The following SVIP variants were observed in gnomAD, a reference collection of about 807,000 sequenced individuals.
SVIP encodes the protein small VCP interacting protein.
Under a neutral mutation model 12.9 loss-of-function variants are expected in SVIP, and 14 were observed. That is an observed-to-expected ratio of 1.08 (90% CI 0.72 to 1.70). The LOEUF (loss-of-function observed/expected upper bound fraction) is 1.70. Among genes scored for constraint, SVIP ranks in the 40% most tolerant of loss-of-function variants. The pLI is 0.00. For synonymous variants in SVIP, 35 were observed against 33.3 expected (o/e 1.05, Z -0.17); for missense variants, 93 against 90.8 (o/e 1.02, Z -0.10).
In SVIP at chr11:22,821,254, G is replaced by T. The variant is rs1369897817; in HGVS notation, c.*1865C>A. On this transcript the variant is annotated 3_prime_UTR_variant, in exon 4 of 4. Transcript: ENST00000354193. The stretch of plus-strand genomic sequence containing the variant: ...TTTTCCCTTGCCCTTTCCTAACACT[G>T]TTCCTAACATTTGGGTACCACCCCT... 6.7e-6 allele frequency: 1 copy of T among 150,306 alleles called. No homozygotes were observed. Among genetic ancestry groups the T allele is most frequent in the Non-Finnish European group, 1.5e-5 (1 of 67,712 alleles). 9.3% of individuals were successfully genotyped at this position (150,306 alleles called of 1,614,324 possible). A position where few individuals can be genotyped will look rare whatever the true frequency, so the allele number is the denominator to read the frequency against.
rs1377041660 is a variant in SVIP at position 22,819,060 on chromosome 11, G to T, written c.*4059C>A. 2.6e-5 allele frequency: 4 copies of T among 151,988 alleles called. No homozygotes were observed. In the East Asian group the frequency reaches 7.7e-4, roughly 29 times the overall value. The allele number at this position is 151,988 out of a possible 1,614,324, so 9.4% of individuals were successfully genotyped here. A position where few individuals can be genotyped will look rare whatever the true frequency, so the allele number is the denominator to read the frequency against. Reference sequence around the variant, plus strand: ...TTCAATTACAGATTTTTCATTGCTTGCATATAAACATAGAATTGACTTTCA... The same window carrying T: ...TTCAATTACAGATTTTTCATTGCTTTCATATAAACATAGAATTGACTTTCA... On this transcript the variant is annotated 3_prime_UTR_variant, in exon 4 of 4. Coordinates refer to ENST00000354193, the MANE Select transcript of SVIP (RefSeq NM_148893.3).
intron 1 of SVIP, among the ~76,000 whole-genome samples, chr11:22,828,992 T>C (rs1023445518): frequency 1.5e-4 from 23 of 152,182 alleles, no homozygotes; most frequent in Admixed American, 5.9e-4. Flanking sequence ...GAATTTCAGA[T>C]AAGCAATGAG....
chr11:22,826,663 A>G (rs1278441729), intron 3 of SVIP, among the ~76,000 whole-genome samples: 1 of 152,088 alleles, frequency 6.6e-6, no homozygotes, highest in Non-Finnish European at 1.5e-5. Flanking sequence ...TCTGGGATCC[A>G]TATCTAGGGA....
At chr11:22,828,883 A>C (rs1279408169) in intron 1 of SVIP, among the ~76,000 whole-genome samples, 2 of 152,216 alleles carry the variant, frequency 1.3e-5, no homozygotes, top group Non-Finnish European at 2.9e-5. Context: ...AAACAGGTTT[A>C]TGTTAACTCC....
rs1290107969 is a variant in SVIP, at chr11:22,827,880, T to A, written c.55-6A>T. 6.4e-6 allele frequency: 10 copies of A among 1,555,976 alleles called. No individual in the cohort carries two copies. Among genetic ancestry groups the A allele is most frequent in the Non-Finnish European group, 8.7e-6 (10 of 1,149,720 alleles). On this transcript the variant is annotated splice_region_variant and splice_polypyrimidine_tract_variant and intron_variant, in intron 1 of 3. Transcript: ENST00000354193. ...AGCTTTGCTCTTTTCTCTTCCTAAA[T>A]AAATGTGTAAAAATATGTATTAAAA...
intron 3 of SVIP, among the ~76,000 whole-genome samples, chr11:22,823,733 T>C (rs2134748357): frequency 6.6e-6 from 1 of 152,286 alleles, no homozygotes; most frequent in East Asian, 1.9e-4. Flanking sequence ...TTTGGTTTTG[T>C]TTTGGGATTT....
At position 22,820,689 on chromosome 11, in the gene SVIP, A is replaced by G. The variant is rs967554210; in HGVS notation, c.*2430T>C. 3 of 152,240 alleles carry G rather than the reference A, an allele frequency of 2.0e-5. No homozygotes were observed. The highest frequency in any genetic ancestry group is 7.2e-5 in the African/African-American group (3 of 41,464). 9.4% of individuals were successfully genotyped at this position (152,240 alleles called of 1,614,324 possible). A position where few individuals can be genotyped will look rare whatever the true frequency, so the allele number is the denominator to read the frequency against. On this transcript the variant is annotated 3_prime_UTR_variant, in exon 4 of 4. Transcript: ENST00000354193. Reference sequence around the variant, plus strand: ...CCAAACCATGTGTGAGAACTGTTAAATTACATTCCAAATACCAGCAGTGGA... The same window carrying G: ...CCAAACCATGTGTGAGAACTGTTAAGTTACATTCCAAATACCAGCAGTGGA...
At chr11:22,823,219 G>T in intron 3 of SVIP, 86 bp from the exon 4 acceptor site, 1 of 932,498 alleles carries the variant, frequency 1.1e-6, no homozygotes. Flanking sequence ...GTAAAAAGAG[G>T]AATATGGGAC....
intron 2 of SVIP, among the ~76,000 whole-genome samples, 187 bp downstream of exon 2, chr11:22,827,637 T>C (rs553459377): frequency 1.3e-5 from 2 of 152,044 alleles, no homozygotes. Flanking sequence ...AGTTTTCATA[T>C]ATTAATATAA....
chr11:22,826,872 A>G (rs1037403976), intron 3 of SVIP, among the ~76,000 whole-genome samples: 1 of 152,180 alleles, frequency 6.6e-6, no homozygotes, highest in Non-Finnish European at 1.5e-5. Flanking sequence ...GTCTGTCAAA[A>G]TGGTACTTAG....
intron 3 of SVIP, 24 bp from the exon 4 acceptor site, chr11:22,823,157 G>C (rs1181568103): frequency 6.4e-7 from 1 of 1,565,270 alleles, no homozygotes; most frequent in Admixed American, 1.8e-5. Context: ...AAAAGAGACA[G>C]AAAAGTAAAT....
In SVIP at chr11:22,822,884, C is replaced by A. The variant is rs927601742; in HGVS notation, c.*235G>T. The A allele has an allele frequency of 2.2e-6, 1 of 450,326 alleles. No individual in the cohort carries two copies. The highest frequency in any genetic ancestry group is 3.9e-6 in the Non-Finnish European group (1 of 253,746). 27.9% of individuals were successfully genotyped at this position (450,326 alleles called of 1,614,324 possible). ...ATTTTTTAACTACTAAGAAAAATAG[C>A]AAATCACCCACTAACTGCAGAAGAG... On this transcript the variant is annotated 3_prime_UTR_variant, in exon 4 of 4. Coordinates refer to ENST00000354193, the MANE Select transcript of SVIP (RefSeq NM_148893.3).
Position 22,829,701 on chromosome 11 carries a change from C to A in SVIP, c.48G>T (p.Pro16=). The change falls in exon 1 of 4, where the codon CCG becomes CCT. Residue 16 remains proline, a synonymous_variant. Coordinates refer to ENST00000354193, the MANE Select transcript of SVIP (RefSeq NM_148893.3). ...AGGGACCTGCTCTACTCACCAGGTC[C>A]GGCGTGGGAGGCGCGGACTCCCCGG... is the stretch of plus-strand genomic sequence containing the variant. ...PCPGESAPPT[P]DLEEKRAKLA... The A allele has an allele frequency of 6.2e-7, 1 of 1,603,154 alleles. No homozygotes were observed. Among genetic ancestry groups the A allele is most frequent in the East Asian group, 2.2e-5 (1 of 44,462 alleles).
chr11:22,823,732 GT>G (rs1365356513), intron 3 of SVIP, among the ~76,000 whole-genome samples: 12 of 152,094 alleles, frequency 7.9e-5, no homozygotes, highest in Non-Finnish European at 1.8e-4. Flanking sequence ...TTTTGGTTTT[GT>G]TTTGGGATTT....
At position 22,821,159 on chromosome 11, in the gene SVIP, G is replaced by T. The variant is rs1201455096; in HGVS notation, c.*1960C>A. On this transcript the variant is annotated 3_prime_UTR_variant, in exon 4 of 4. Coordinates refer to ENST00000354193, the MANE Select transcript of SVIP (RefSeq NM_148893.3). ...TATTATATATATATATAATTTTTTAGTCATGTTTTTAGTCATTTGCTTTTT... is the reference window on the plus strand; with the variant it reads ...TATTATATATATATATAATTTTTTATTCATGTTTTTAGTCATTTGCTTTTT... The T allele has an allele frequency of 6.8e-6, 1 of 146,692 alleles. No individual in the cohort carries two copies. The highest frequency in any genetic ancestry group is 2.1e-4 in the South Asian group (1 of 4,728). 9.1% of individuals were successfully genotyped at this position (146,692 alleles called of 1,614,324 possible).
chr11:22,828,921 T>G (rs1424978680), intron 1 of SVIP, among the ~76,000 whole-genome samples: 2 of 152,212 alleles, frequency 1.3e-5, no homozygotes, highest in Non-Finnish European at 2.9e-5. Flanking sequence ...GTAAAGATAC[T>G]GTTAACAGAA....
At position 22,821,296 on chromosome 11, in the gene SVIP, T is replaced by C. The variant is rs991960989; in HGVS notation, c.*1823A>G. ...ACCACCCCTTAGCTCCTGCGACCCA[T>C]GTGGTTTTGGAGAAAGCTGATCACA... On this transcript the variant is annotated 3_prime_UTR_variant, in exon 4 of 4. Coordinates refer to ENST00000354193, the MANE Select transcript of SVIP (RefSeq NM_148893.3). 3 of 151,730 alleles carry C rather than the reference T, an allele frequency of 2.0e-5. No individual in the cohort carries two copies. The highest frequency in any genetic ancestry group is 6.6e-5 in the Admixed American group (1 of 15,224). The allele number at this position is 151,730 out of a possible 1,614,324, so 9.4% of individuals were successfully genotyped here.
chr11:22,829,779 T>A lies in SVIP; in HGVS notation c.-31A>T. Reference sequence around the variant, plus strand: ...CGACAGCTTGAGAACCCTGACCGGGTCCGGCCCAGGCCAGGCGGCGCTAAC... The same window carrying A: ...CGACAGCTTGAGAACCCTGACCGGGACCGGCCCAGGCCAGGCGGCGCTAAC... On this transcript the variant is annotated 5_prime_UTR_variant, in exon 1 of 4. Transcript: ENST00000354193. 1.9e-6 allele frequency: 3 copies of A among 1,587,550 alleles called. No homozygotes were observed. The highest frequency in any genetic ancestry group is 2.3e-5 in the South Asian group (2 of 87,404).
chr11:22,821,671 A>G lies in SVIP; in HGVS notation c.*1448T>C, dbSNP rs746092545. On this transcript the variant is annotated 3_prime_UTR_variant, in exon 4 of 4. Coordinates refer to ENST00000354193, the MANE Select transcript of SVIP (RefSeq NM_148893.3). ...TAAAATCAAAAATTTTCATTCTAAA[A>G]TATAGTTCAATGATTTCACTACCCT... 6.6e-6 allele frequency: 1 copy of G among 152,236 alleles called. No individual in the cohort carries two copies. Among genetic ancestry groups the G allele is most frequent in the Non-Finnish European group, 1.5e-5 (1 of 68,046 alleles). 9.4% of individuals were successfully genotyped at this position (152,236 alleles called of 1,614,324 possible).
Sources: allele counts gnomAD v4.1 joint callset (sites outside exome capture counted in the v4.1 genomes callset), GRCh38; gene constraint gnomAD v4.1.1; transcripts MANE v1.5; gene names NCBI Gene and HGNC (gene_info 2026-07-23, HGNC 2026-07-21).